TENM3: variants seen among roughly 807,000 people sequenced by gnomAD.
The protein encoded by TENM3 is teneurin transmembrane protein 3.
TENM3 carries 63 observed loss-of-function variants against 255.1 expected under a neutral mutation model. That is an observed-to-expected ratio of 0.25 (90% CI 0.20 to 0.30). The LOEUF (loss-of-function observed/expected upper bound fraction) is 0.30. TENM3 is among the 10% of genes least tolerant of loss of function. TENM3 has a pLI of 1.00. For missense variants in TENM3, 2,929 were observed against 3,461.1 expected (o/e 0.85, Z 3.86); for synonymous variants, 1,306 against 1,322.3 (o/e 0.99, Z 0.27).
intron 1 of TENM3, among the ~76,000 whole-genome samples, chr4:182,285,281 G>T (rs909343266): frequency 6.6e-6 from 1 of 151,982 alleles, no homozygotes. Context: ...AGTTTGGTGA[G>T]CATGCTAGAT....
chr4:182,530,299 TTG>T (rs1400855650), intron 3 of TENM3, among the ~76,000 whole-genome samples: 1 of 152,228 alleles, frequency 6.6e-6, no homozygotes, highest in Non-Finnish European at 1.5e-5. Context: ...CTCCAAAGTA[TTG>T]TGTTTCGAAA....
At chr4:182,354,368 A>C (rs1765384772) in intron 3 of TENM3, among the ~76,000 whole-genome samples, 1 of 152,218 alleles carries the variant, frequency 6.6e-6, no homozygotes, top group African/African-American at 2.4e-5. Context: ...CAGTGGTAGC[A>C]GTAAAATTGT....
chr4:182,743,213 G>A lies in TENM3; in HGVS notation c.3423G>A (p.Gln1141=). The A allele has an allele frequency of 6.2e-7, 1 of 1,613,810 alleles. No individual in the cohort carries two copies. The highest frequency in any genetic ancestry group is 8.5e-7 in the Non-Finnish European group (1 of 1,179,704). ...ACGGGGAAAACCAGTTCATCTCCCA[G>A]CAGCCTCCAGTCGTGAGTAGCATCA... is the stretch of plus-strand genomic sequence containing the variant. ...KGNGENQFIS[Q]QPPVVSSIMG... Residue 1141 remains glutamine, a synonymous_variant, in exon 19 of 28, where the codon CAG becomes CAA. Transcript: ENST00000511685.
At chr4:182,013,069 C>A in the TENM3 span, among the ~76,000 whole-genome samples, 2 of 152,116 alleles carry the variant, frequency 1.3e-5, no homozygotes, top group Admixed American at 1.3e-4. Context: ...CATTATATCA[C>A]AATTCTCCAC....
chr4:182,154,756 A>G (rs1292445729), intron 1 of TENM3, among the ~76,000 whole-genome samples: 1 of 152,218 alleles, frequency 6.6e-6, no homozygotes, highest in Non-Finnish European at 1.5e-5. Flanking sequence ...AAATAGTGAC[A>G]TATAAAAATG....
At chr4:182,361,759 A>AG (rs1766003665) in intron 3 of TENM3, among the ~76,000 whole-genome samples, 1 of 152,070 alleles carries the variant, frequency 6.6e-6, no homozygotes, top group South Asian at 2.1e-4. Context: ...ATTGCTGGTG[A>AG]GGAACTGCGT....
At chr4:182,446,293 T>G (rs917487537) in intron 3 of TENM3, among the ~76,000 whole-genome samples, 1 of 152,220 alleles carries the variant, frequency 6.6e-6, no homozygotes, top group Non-Finnish European at 1.5e-5. Context: ...TGTAGAATAC[T>G]CCAGTACACT....
In TENM3 at chr4:182,532,333, A is replaced by T. The variant is rs1289690946; in HGVS notation, c.512-68591A>T. ...GATATATGCATATAGTACCTAGAATAGTGACTGACACGTGGTGGCCATTCA... is the reference window on the plus strand; with the variant it reads ...GATATATGCATATAGTACCTAGAATTGTGACTGACACGTGGTGGCCATTCA... On this transcript the variant is annotated intron_variant, in intron 3 of 27. Coordinates refer to ENST00000511685, the MANE Select transcript of TENM3 (RefSeq NM_001080477.4). 2.6e-5 allele frequency among the ~76,000 whole-genome samples: 4 copies of T among 152,192 alleles called. No individual in the cohort carries two copies. In the East Asian group the frequency reaches 7.7e-4, roughly 29 times the overall value.
chr4:182,264,947 C>T (rs531291118), intron 1 of TENM3, among the ~76,000 whole-genome samples: 34 of 151,622 alleles, frequency 2.2e-4, no homozygotes, highest in Non-Finnish European at 5.0e-4. Flanking sequence ...TCTTAGTCGA[C>T]TGAATTATTT....
chr4:182,280,209 T>A (rs1012162717), intron 1 of TENM3, among the ~76,000 whole-genome samples: 1 of 152,258 alleles, frequency 6.6e-6, no homozygotes, highest in African/African-American at 2.4e-5. Flanking sequence ...GTGAGGCCCC[T>A]GCTTTAGGCT....
the TENM3 span, among the ~76,000 whole-genome samples, chr4:182,036,717 C>T: frequency 6.6e-6 from 1 of 152,166 alleles, no homozygotes; most frequent in Non-Finnish European, 1.5e-5. Context: ...TTTATAGGAA[C>T]CGCTACTCTT....
chr4:182,387,756 C>T lies in TENM3; in HGVS notation c.511+40827C>T, dbSNP rs1384717077. Among the ~76,000 whole-genome samples the T allele has an allele frequency of 2.6e-5, 4 of 152,012 alleles. No homozygotes were observed. In the East Asian group the frequency reaches 5.8e-4, roughly 22 times the overall value. ...TCCTGAGCCAGCGAGACCACGAACC[C>T]ACCAGAAGGAAAAAACTCCGAACAC... On this transcript the variant is annotated intron_variant, in intron 3 of 27. Transcript: ENST00000511685.
At chr4:182,036,200 T>G in the TENM3 span, among the ~76,000 whole-genome samples, 11 of 151,774 alleles carry the variant, frequency 7.2e-5, no homozygotes, top group African/African-American at 2.7e-4. Context: ...ATAATCTGAT[T>G]TTTTTTTTCA....
At chr4:182,112,102 CTA>C in the TENM3 span, among the ~76,000 whole-genome samples, 1 of 152,262 alleles carries the variant, frequency 6.6e-6, no homozygotes, top group Admixed American at 6.5e-5. Context: ...CCGCAGTGAG[CTA>C]TGATTGTGCC....
chr4:182,196,025 C>T (rs528914196), intron 1 of TENM3, among the ~76,000 whole-genome samples: 2 of 152,182 alleles, frequency 1.3e-5, no homozygotes, highest in African/African-American at 2.4e-5. Flanking sequence ...GAGAACTTAT[C>T]TTGGATTGAG....
Position 182,495,096 on chromosome 4 carries a change from G to A in TENM3, c.512-105828G>A, listed in dbSNP as rs1735654637. On this transcript the variant is annotated intron_variant, in intron 3 of 27. Transcript: ENST00000511685. The stretch of plus-strand genomic sequence containing the variant: ...ATTAATGAATTATGACAAGCCTTTT[G>A]CCTGTCAAGCAGAGGTTCCCGCCTT... Among the ~76,000 whole-genome samples, 3 of 152,162 alleles carry A rather than the reference G, an allele frequency of 2.0e-5. 1 individual carries two copies. The South Asian group carries it at 6.2e-4, about 32-fold the overall frequency.
upstream of TENM3, among the ~76,000 whole-genome samples, chr4:182,242,425 A>G (rs567493027): frequency 6.6e-6 from 1 of 151,900 alleles, no homozygotes; most frequent in Non-Finnish European, 1.5e-5. Context: ...TCCATGGTGT[A>G]TATGTGCCAC....
chr4:182,688,020 T>C, intron 11 of TENM3, 146 bp from the exon 12 acceptor site: 1 of 703,016 alleles, frequency 1.4e-6, no homozygotes, highest in Non-Finnish European at 2.3e-6. Context: ...GAAATTTACG[T>C]AGCATACAAA....
chr4:181,797,247 T>C, the TENM3 span, among the ~76,000 whole-genome samples: 2 of 152,020 alleles, frequency 1.3e-5, no homozygotes, highest in Non-Finnish European at 2.9e-5. Flanking sequence ...CGTGACCTCT[T>C]ACTGCTCACC....
Sources: gnomAD v4.1 joint callset for allele counts (sites outside exome capture counted in the v4.1 genomes callset) on GRCh38, gnomAD v4.1.1 for gene constraint, MANE v1.5 for transcripts, NCBI Gene and HGNC (gene_info 2026-07-23, HGNC 2026-07-21) for gene names.